WNK3: variants seen among roughly 807,000 people sequenced by gnomAD.
WNK3 encodes serine/threonine-protein kinase WNK3.
Under a neutral mutation model 116.7 loss-of-function variants are expected in WNK3, and 18 were observed. The observed-to-expected ratio is 0.15, with a 90% CI of 0.11 to 0.23. The LOEUF is 0.23. WNK3 is among the 10% of genes least tolerant of loss of function. The pLI, the probability that WNK3 is intolerant of heterozygous loss-of-function variation, is 1.00. For missense variants in WNK3, 993 were observed against 1,323.8 expected (o/e 0.75, Z 3.88); for synonymous variants, 404 against 469.4 (o/e 0.86, Z 1.80).
At chrX:54,290,817 A>AT (rs2068629630) in intron 10 of WNK3, among the ~76,000 whole-genome samples, 1 of 111,476 alleles carries the variant, frequency 9.0e-6, no homozygotes, top group East Asian at 2.8e-4. Context: ...ATTGGCTGCA[A>AT]TAATTCCTAG....
intron 22 of WNK3, among the ~76,000 whole-genome samples, chrX:54,209,160 T>C (rs1368700532): frequency 5.4e-5 from 6 of 111,761 alleles, no homozygotes; most frequent in Non-Finnish European, 1.9e-5. Flanking sequence ...TGTCTAAAGA[T>C]AGCAGTCTCA....
At chrX:54,257,584 CA>C (rs1557155775) in intron 11 of WNK3, among the ~76,000 whole-genome samples, 2 of 109,036 alleles carry the variant, frequency 1.8e-5, no homozygotes, top group Non-Finnish European at 3.8e-5. Context: ...CACCTGAGGT[CA>C]AGAGTTTGAG....
intron 21 of WNK3, among the ~76,000 whole-genome samples, chrX:54,229,503 C>A (rs782608502): frequency 1.8e-5 from 2 of 109,236 alleles, no homozygotes; most frequent in Admixed American, 9.9e-5. Flanking sequence ...TAGATATAGT[C>A]AAGCTGATTC....
At chrX:54,254,199 G>T in intron 12 of WNK3, 124 bp from the exon 13 acceptor site, 1 of 421,985 alleles carries the variant, frequency 2.4e-6, no homozygotes. Flanking sequence ...AGTTCAGAAT[G>T]TTTTCCCTTG....
intron 22 of WNK3, among the ~76,000 whole-genome samples, chrX:54,225,922 A>ATT (rs1222880841): frequency 9.1e-6 from 1 of 110,226 alleles, no homozygotes; most frequent in Non-Finnish European, 1.9e-5. Flanking sequence ...TCAAGATGGT[A>ATT]TGGGATTGGC....
At chrX:54,254,850 T>C (rs996860461) in intron 12 of WNK3, among the ~76,000 whole-genome samples, 3 of 111,756 alleles carry the variant, frequency 2.7e-5, no homozygotes, top group South Asian at 3.8e-4. Context: ...AAATTATATA[T>C]AGGTTTAAGC....
chrX:54,257,689 C>G (rs1416555208), intron 11 of WNK3, among the ~76,000 whole-genome samples: 1 of 101,230 alleles, frequency 9.9e-6, no homozygotes, highest in African/African-American at 3.7e-5. Flanking sequence ...ACTCAGGAGT[C>G]TGAGGCAGGA....
At chrX:54,320,679 T>C (rs1338819281) in intron 2 of WNK3, among the ~76,000 whole-genome samples, 1 of 109,220 alleles carries the variant, frequency 9.2e-6, no homozygotes, top group Non-Finnish European at 1.9e-5. Flanking sequence ...GACATGCCAC[T>C]ATGCCTATGC....
upstream of WNK3, chrX:54,358,736 C>A (rs1250334732): frequency 8.8e-6 from 1 of 113,062 alleles, no homozygotes; most frequent in Admixed American, 9.3e-5. Flanking sequence ...GGCATGTAAC[C>A]GCTAGGCCTG....
chrX:54,256,809 C>G (rs1431185626), intron 11 of WNK3, among the ~76,000 whole-genome samples: 1 of 112,072 alleles, frequency 8.9e-6, no homozygotes, highest in Non-Finnish European at 1.9e-5. Flanking sequence ...TAATACTGCC[C>G]TTAAGAGTTT....
intron 10 of WNK3, among the ~76,000 whole-genome samples, chrX:54,261,047 A>C (rs896344110): frequency 3.6e-5 from 4 of 109,963 alleles, no homozygotes; most frequent in Non-Finnish European, 7.6e-5. Context: ...ACTTTTGTTT[A>C]AAACTGCAGC....
chrX:54,247,960 C>T (rs1195691560), intron 17 of WNK3, among the ~76,000 whole-genome samples: 1 of 111,384 alleles, frequency 9.0e-6, no homozygotes, highest in East Asian at 2.8e-4. Flanking sequence ...TAAAATAAGT[C>T]AGGCCAGGCA....
intron 2 of WNK3, among the ~76,000 whole-genome samples, chrX:54,317,599 G>C (rs1217546819): frequency 5.4e-5 from 6 of 111,044 alleles, no homozygotes; most frequent in African/African-American, 2.0e-4. Context: ...GTTAACAGGA[G>C]CTAGGCAGAG....
intron 19 of WNK3, 88 bp from the exon 20 acceptor site, chrX:54,237,639 T>C (rs2067978033): frequency 4.3e-6 from 4 of 938,412 alleles, no homozygotes; most frequent in Non-Finnish European, 2.8e-6. Flanking sequence ...CTAGCAAAAC[T>C]TAAAAATTTA....
intron 1 of WNK3, among the ~76,000 whole-genome samples, chrX:54,340,639 T>C (rs987351005): frequency 9.2e-6 from 1 of 108,775 alleles, no homozygotes; most frequent in Non-Finnish European, 1.9e-5. Flanking sequence ...AACCCAATAA[T>C]GACAAGACAA....
intron 2 of WNK3, among the ~76,000 whole-genome samples, chrX:54,318,818 T>C (rs1479521424): frequency 1.8e-5 from 2 of 110,049 alleles, no homozygotes; most frequent in Non-Finnish European, 3.8e-5. Flanking sequence ...TGCTCTGTCA[T>C]CCAGGCTGGA....
At chrX:54,279,623 T>C (rs1422899900) in intron 10 of WNK3, among the ~76,000 whole-genome samples, 1 of 112,058 alleles carries the variant, frequency 8.9e-6, no homozygotes, top group African/African-American at 3.2e-5. Flanking sequence ...AATAGTTGCA[T>C]GGTCCTTACA....
chrX:54,309,086 T>C lies in WNK3; in HGVS notation c.931+9A>G, dbSNP rs782404728. ...TTACCCAACCAGTAAACTGTAAAAC[T>C]TTAATCACCAATGACACTCTTAGCA... On this transcript the variant is annotated intron_variant, in intron 4 of 23. Transcript: ENST00000354646. The C allele has an allele frequency of 3.8e-5, 45 of 1,199,918 alleles. 1 individual carries two copies. The highest frequency in any genetic ancestry group is 5.0e-5 in the Non-Finnish European group (44 of 886,805).
intron 6 of WNK3, among the ~76,000 whole-genome samples, 161 bp from the exon 7 acceptor site, chrX:54,298,555 A>G (rs1316086181): frequency 1.8e-5 from 2 of 112,336 alleles, no homozygotes; most frequent in Admixed American, 9.5e-5. Context: ...TCTTTAACAG[A>G]TCCTGTGGAA....
Sources: allele counts gnomAD v4.1 joint callset (sites outside exome capture counted in the v4.1 genomes callset), GRCh38; gene constraint gnomAD v4.1.1; transcripts MANE v1.5; gene names NCBI Gene and HGNC (gene_info 2026-07-23, HGNC 2026-07-21).